The following DLG5 variants were observed in gnomAD, a reference collection of about 807,000 sequenced individuals.
The protein encoded by DLG5 is discs large MAGUK scaffold protein 5.
DLG5 carries 48 observed loss-of-function variants against 189.8 expected under a neutral mutation model. The observed-to-expected ratio is 0.25, with a 90% confidence interval of 0.20 to 0.32. DLG5 has a LOEUF of 0.32. Ranked by LOEUF, DLG5 falls within the 10% of genes least tolerant of loss-of-function variation. DLG5 has a pLI of 1.00. For missense variants in DLG5, 2,160 were observed against 2,544.7 expected, an observed-to-expected ratio of 0.85 and a Z score of 3.25; for synonymous variants, 1,016 against 1,054.1, an observed-to-expected ratio of 0.96 and a Z score of 0.70.
Position 77,828,831 on chromosome 10 carries a change from G to A in DLG5, c.2289+51C>T. 2 of 1,589,676 alleles carry A rather than the reference G, an allele frequency of 1.3e-6. 1 individual carries two copies. Among genetic ancestry groups the A allele is most frequent in the South Asian group, 2.2e-5 (2 of 90,022 alleles). On this transcript the variant is annotated intron_variant, in intron 13 of 31. Coordinates refer to ENST00000372391, the MANE Select transcript of DLG5 (RefSeq NM_004747.4). ...TACTTCTTGCTCAAACCTCCCAAAT[G>A]TAATCTGCCTATGCACGGCAGATGA...
intron 24 of DLG5, 108 bp from the exon 25 acceptor site, chr10:77,808,052 T>G: frequency 3.8e-6 from 5 of 1,330,468 alleles, no homozygotes; most frequent in Non-Finnish European, 5.1e-6. Context: ...CATCCCTCCT[T>G]AACTGAGACT....
chr10:77,864,795 G>A (rs906295849), intron 2 of DLG5, among the ~76,000 whole-genome samples: 2 of 152,218 alleles, frequency 1.3e-5, no homozygotes, highest in African/African-American at 4.8e-5. Flanking sequence ...AGGCCTAAGG[G>A]GGACACCCCT....
intron 20 of DLG5, among the ~76,000 whole-genome samples, chr10:77,814,870 A>G (rs965139630): frequency 1.3e-5 from 2 of 151,980 alleles, no homozygotes; most frequent in Non-Finnish European, 2.9e-5. Flanking sequence ...CCTTCTTTCT[A>G]CTTTTCTATG....
At chr10:77,898,337 C>T (rs1190674808) in intron 1 of DLG5, among the ~76,000 whole-genome samples, 1 of 152,230 alleles carries the variant, frequency 6.6e-6, no homozygotes, top group Non-Finnish European at 1.5e-5. Flanking sequence ...GAAGCAAATC[C>T]TGAATTGCTC....
intron 1 of DLG5, among the ~76,000 whole-genome samples, chr10:77,896,615 G>C (rs1054090845): frequency 6.6e-6 from 1 of 152,012 alleles, no homozygotes; most frequent in Admixed American, 6.6e-5. Flanking sequence ...CCAAGGGGGG[G>C]TGGATCACTG....
At chr10:77,837,179 C>T (rs1589188843) in intron 7 of DLG5, among the ~76,000 whole-genome samples, 3 of 128,432 alleles carry the variant, frequency 2.3e-5, no homozygotes, top group African/African-American at 9.0e-5. Context: ...GGCGCCACTG[C>T]ACTCCAGCCT....
At position 77,791,336 on chromosome 10, in the gene DLG5, A is replaced by C. The variant is rs980221319; in HGVS notation, c.*1104T>G. 6.6e-6 allele frequency: 1 copy of C among 151,144 alleles called. No individual in the cohort carries two copies. Among genetic ancestry groups the C allele is most frequent in the Non-Finnish European group, 1.5e-5 (1 of 67,848 alleles). 9.4% of individuals were successfully genotyped at this position (151,144 alleles called of 1,614,324 possible). A position where few individuals can be genotyped will look rare whatever the true frequency, so the allele number is the denominator to read the frequency against. ...TCTTCAGCCAGACATATCTAGCCTC[A>C]GAAGTGCAAAAAAAAAAAAAGCCCC... On this transcript the variant is annotated 3_prime_UTR_variant, in exon 32 of 32. Transcript: ENST00000372391.
chr10:77,805,720 C>T lies in DLG5; in HGVS notation c.5109G>A (p.Gly1703=). 6.2e-7 allele frequency: 1 copy of T among 1,614,140 alleles called. No individual in the cohort carries two copies. Among genetic ancestry groups the T allele is most frequent in the Non-Finnish European group, 8.5e-7 (1 of 1,180,012 alleles). ...AGGCATCCAAGGCGAGCAGGTCTTT[C>T]CCGTCCTTGGACCCGCTGCGTTTGT... ...HKHKRSGSKD[G]KDLLALDAFS... is the part of the protein sequence containing the mutation. The change falls in exon 27 of 32, where the codon GGG becomes GGA. Residue 1703 remains glycine, a synonymous_variant. Transcript: ENST00000372391.
intron 1 of DLG5, among the ~76,000 whole-genome samples, chr10:77,901,601 G>T (rs747559350): frequency 6.6e-6 from 1 of 152,234 alleles, no homozygotes; most frequent in African/African-American, 2.4e-5. Flanking sequence ...GAGGCACCTT[G>T]GGGCCTCCTT....
intron 1 of DLG5, among the ~76,000 whole-genome samples, chr10:77,900,037 T>C (rs1464290213): frequency 2.0e-5 from 3 of 152,228 alleles, no homozygotes; most frequent in Admixed American, 6.5e-5. Flanking sequence ...TAGTGAACAT[T>C]TGACTATGTG....
chr10:77,859,802 T>C (rs1292499888), intron 2 of DLG5, among the ~76,000 whole-genome samples: 1 of 152,264 alleles, frequency 6.6e-6, no homozygotes, highest in Non-Finnish European at 1.5e-5. Flanking sequence ...AGGCCGCACC[T>C]TTGGGGTCAA....
Position 77,817,799 on chromosome 10 carries a change from T to G in DLG5, c.3762A>C (p.Ser1254=). Residue 1254 remains serine (S), a synonymous_variant, in exon 18 of 32, where the codon TCA becomes TCC. Transcript: ENST00000372391. The part of the protein sequence containing the change: ...SEMRATHGSN[S]LPSSARLGSS... ...TACCCAGGCGGGCGCTGGAGGGCAG[T>G]GAGTTGGACCCATGGGTGGCTCTCA... The G allele has an allele frequency of 2.6e-6, 4 of 1,555,006 alleles. No individual in the cohort carries two copies. The highest frequency in any genetic ancestry group is 3.5e-6 in the Non-Finnish European group (4 of 1,148,710).
chr10:77,854,204 C>A, intron 4 of DLG5, 23 bp downstream of exon 4: 1 of 1,612,242 alleles, frequency 6.2e-7, no homozygotes, highest in Non-Finnish European at 8.5e-7. Flanking sequence ...GTTGGAGGCC[C>A]TGGCCAAGCA....
chr10:77,925,534 C>A (rs1423334352), intron 1 of DLG5, among the ~76,000 whole-genome samples: 1 of 152,216 alleles, frequency 6.6e-6, no homozygotes, highest in Non-Finnish European at 1.5e-5. Flanking sequence ...TCAAGGGAAC[C>A]AGTCACCAGC....
At chr10:77,806,090 T>G in intron 26 of DLG5, 1 of 487,678 alleles carries the variant, frequency 2.1e-6, no homozygotes. Flanking sequence ...CAGGCGATTT[T>G]TTCTACTACA....
rs956068256 is a variant in DLG5, at chr10:77,819,997, T to C, written c.3424A>G (p.Ser1142Gly). ...FLEEQKCVPA[S>G]GELSPELQEW... Reference sequence around the variant, plus strand: ...TGGAGCTCCGGGGAGAGTTCTCCACTGGCCGGGACACACTTCTGTTCCTGC... The same window carrying C: ...TGGAGCTCCGGGGAGAGTTCTCCACCGGCCGGGACACACTTCTGTTCCTGC... Residue 1142 changes from serine (S) to glycine (G), a missense_variant, in exon 16 of 32, where the codon AGT becomes GGT. Physicochemically the swap from Ser to Gly is moderately conservative, Grantham distance 56 (BLOSUM62 0). Transcript: ENST00000372391. The C allele has an allele frequency of 1.2e-6, 2 of 1,613,406 alleles. No individual in the cohort carries two copies. Among genetic ancestry groups the C allele is most frequent in the Non-Finnish European group, 8.5e-7 (1 of 1,179,908 alleles).
intron 1 of DLG5, among the ~76,000 whole-genome samples, chr10:77,912,025 C>T (rs1258386272): frequency 1.3e-5 from 2 of 151,224 alleles, no homozygotes. Context: ...ACAGCGAGAC[C>T]CCATCTCTAT....
intron 1 of DLG5, among the ~76,000 whole-genome samples, chr10:77,902,588 C>T (rs1229358530): frequency 2.0e-5 from 3 of 151,990 alleles, no homozygotes; most frequent in Admixed American, 1.3e-4. Context: ...GGGCCGGGCG[C>T]GGTGGCTCAT....
At chr10:77,845,604 G>C (rs959000869) in intron 5 of DLG5, among the ~76,000 whole-genome samples, 2 of 151,600 alleles carry the variant, frequency 1.3e-5, no homozygotes, top group African/African-American at 2.4e-5. Flanking sequence ...GGGAAGGAGG[G>C]AAGAAGGGAA....
Sources: allele counts gnomAD v4.1 joint callset (sites outside exome capture counted in the v4.1 genomes callset), GRCh38; gene constraint gnomAD v4.1.1; transcripts MANE v1.5; gene names NCBI Gene and HGNC (gene_info 2026-07-23, HGNC 2026-07-21).